The following CAPN14 variants were observed in gnomAD, a reference collection of about 807,000 sequenced individuals.
CAPN14 encodes calpain-14.
A neutral mutation model predicts 101.3 loss-of-function variants in CAPN14; 94 were observed. The ratio of observed to expected loss-of-function variants is 0.93; its 90% confidence interval spans 0.79 to 1.10. The LOEUF is 1.10. Ranked by LOEUF, CAPN14 falls within the 50% of genes least tolerant of loss-of-function variation. CAPN14 has a pLI of 0.00. For missense variants in CAPN14, 837 were observed against 828.4 expected (o/e 1.01, Z -0.13); for synonymous variants, 338 against 317.9 (o/e 1.06, Z -0.67).
At chr2:31,188,108 C>T (rs1680996133) in intron 14 of CAPN14, among the ~76,000 whole-genome samples, 1 of 152,168 alleles carries the variant, frequency 6.6e-6, no homozygotes, top group African/African-American at 2.4e-5. Flanking sequence ...TGACAAGGAC[C>T]TGATCAGAAG....
At chr2:31,205,603 G>C in intron 1 of CAPN14, 104 bp from the exon 2 acceptor site, 1 of 673,908 alleles carries the variant, frequency 1.5e-6, no homozygotes, top group South Asian at 1.8e-5. Flanking sequence ...GGAGAAGTCA[G>C]CTGGTGAGAA....
chr2:31,181,386 T>TTTC (rs1680590229), intron 16 of CAPN14, among the ~76,000 whole-genome samples: 2 of 131,202 alleles, frequency 1.5e-5, no homozygotes, highest in African/African-American at 6.1e-5. Context: ...TCTTTTCTTT[T>TTTC]TTTCTTTCTT....
At chr2:31,186,615 G>T in intron 15 of CAPN14, 130 bp from the exon 16 acceptor site, 1 of 619,748 alleles carries the variant, frequency 1.6e-6, no homozygotes, top group Non-Finnish European at 2.6e-6. Context: ...TTTTTAACTG[G>T]GTGCCAACCC....
At chr2:31,214,730 C>G (rs1272743154) in intron 1 of CAPN14, among the ~76,000 whole-genome samples, 13 of 152,182 alleles carry the variant, frequency 8.5e-5, no homozygotes. Context: ...GAGAATAAGA[C>G]TCCCTGGAGC....
chr2:31,218,878 C>A (rs576438592), upstream of CAPN14, among the ~76,000 whole-genome samples: 80 of 152,336 alleles, frequency 5.3e-4, no homozygotes, highest in African/African-American at 1.9e-3. Flanking sequence ...CTTCCCCCTG[C>A]CTCATGTGCC....
At chr2:31,179,319 T>A (rs1680476825) in intron 17 of CAPN14, among the ~76,000 whole-genome samples, 1 of 151,818 alleles carries the variant, frequency 6.6e-6, no homozygotes, top group African/African-American at 2.4e-5. Flanking sequence ...GAACATGCAG[T>A]GTTTGGTTTT....
chr2:31,197,246 C>T lies in CAPN14; in HGVS notation c.875+3G>A, dbSNP rs1027803405. 1.2e-5 allele frequency: 18 copies of T among 1,548,652 alleles called. No homozygotes were observed. Among genetic ancestry groups the T allele is most frequent in the Middle Eastern group, 3.3e-4 (2 of 6,006 alleles). ...ACCCCTCCAAGATGTCCCCAAAGTT[C>T]ACCTGTCACTCCAGTCTCCTTTCCA... On this transcript the variant is annotated splice_donor_region_variant and intron_variant, in intron 8 of 21. Transcript: ENST00000403897.
chr2:31,229,880 C>T (rs1683137385), intron 1 of CAPN14, among the ~76,000 whole-genome samples: 1 of 152,136 alleles, frequency 6.6e-6, no homozygotes. Context: ...CCATGAACAA[C>T]AGATAGTGGT....
intron 1 of CAPN14, among the ~76,000 whole-genome samples, chr2:31,227,183 A>C (rs1487081364): frequency 6.6e-6 from 1 of 152,096 alleles, no homozygotes; most frequent in Non-Finnish European, 1.5e-5. Context: ...CCAGATACAC[A>C]CCGCTGCCTC....
chr2:31,227,290 G>C (rs1683052054), intron 1 of CAPN14, among the ~76,000 whole-genome samples: 1 of 152,190 alleles, frequency 6.6e-6, no homozygotes, highest in Non-Finnish European at 1.5e-5. Context: ...GCCAAGGAGA[G>C]CTGCTATGTA....
intron 19 of CAPN14, 79 bp from the exon 20 acceptor site, chr2:31,177,221 G>T: frequency 1.1e-6 from 1 of 903,140 alleles, no homozygotes; most frequent in Non-Finnish European, 1.7e-6. Context: ...CCCTTCAAAT[G>T]TCCCTCCAGT....
At chr2:31,175,193 T>C (rs564808711) in intron 21 of CAPN14, among the ~76,000 whole-genome samples, 3 of 152,266 alleles carry the variant, frequency 2.0e-5, no homozygotes, top group Non-Finnish European at 2.9e-5. Flanking sequence ...AAGTTACCAA[T>C]GGTGTCAGAG....
chr2:31,193,053 G>T, intron 10 of CAPN14, 78 bp downstream of exon 10: 1 of 1,382,332 alleles, frequency 7.2e-7, no homozygotes, highest in Non-Finnish European at 9.8e-7. Context: ...AATTCGTGCT[G>T]CAACCCCCTG....
chr2:31,174,812 A>G, intron 21 of CAPN14, 105 bp from the exon 22 acceptor site: 1 of 1,099,312 alleles, frequency 9.1e-7, no homozygotes, highest in Non-Finnish European at 1.4e-6. Flanking sequence ...ACATTAATGG[A>G]TGGTTTAGCC....
At position 31,174,517 on chromosome 2, in the gene CAPN14, A is replaced by G; in HGVS notation, c.*164T>C. ...TTCCCTTTCTGCATGCTGGCCATGC[A>G]CGGGGAGGGCTGCAGAAGAGAAACC... is the stretch of plus-strand genomic sequence containing the variant. On this transcript the variant is annotated 3_prime_UTR_variant, in exon 22 of 22. Transcript: ENST00000403897. 2 of 667,908 alleles carry G rather than the reference A, an allele frequency of 3.0e-6. No individual in the cohort carries two copies. Among genetic ancestry groups the G allele is most frequent in the Admixed American group, 5.3e-5 (2 of 38,010 alleles). The allele number at this position is 667,908 out of a possible 1,614,324, so 41.4% of individuals were successfully genotyped here.
chr2:31,182,844 T>C (rs1202754099), intron 16 of CAPN14, among the ~76,000 whole-genome samples: 3 of 151,794 alleles, frequency 2.0e-5, no homozygotes. Flanking sequence ...ACTTTAAAGT[T>C]CACATGGAAC....
chr2:31,194,476 T>C lies in CAPN14; in HGVS notation c.883A>G (p.Lys295Glu), dbSNP rs1174530322. Residue 295 changes from lysine to glutamate, a missense_variant, in exon 9 of 22, where the codon AAA (lysine) becomes GAA (glutamate). By Grantham distance (56) the Lys-to-Glu change is moderately conservative. Coordinates refer to ENST00000403897, the MANE Select transcript of CAPN14 (RefSeq NM_001145122.2). ...WKGDWSDSSSKWELLSPKEKI... is the reference protein window; with the variant it reads ...WKGDWSDSSSEWELLSPKEKI... ...TCCTTGGGGCTCAGCAGCTCCCATT[T>C]ACTTGAACTGAAAATAGAAAAGGGA... The C allele has an allele frequency of 6.4e-7, 1 of 1,550,946 alleles. No homozygotes were observed. Among genetic ancestry groups the C allele is most frequent in the Admixed American group, 2.0e-5 (1 of 51,010 alleles).
chr2:31,173,176 C>T lies in CAPN14; in HGVS notation c.*1505G>A, dbSNP rs1680129670. 6.6e-6 allele frequency: 1 copy of T among 152,220 alleles called. No individual in the cohort carries two copies. Among genetic ancestry groups the T allele is most frequent in the Non-Finnish European group, 1.5e-5 (1 of 68,044 alleles). The allele number at this position is 152,220 out of a possible 1,614,324, so 9.4% of individuals were successfully genotyped here. On this transcript the variant is annotated 3_prime_UTR_variant, in exon 22 of 22. Coordinates refer to ENST00000403897, the MANE Select transcript of CAPN14 (RefSeq NM_001145122.2). ...CTGTAAAAGGCTGTAAATACATGAT[C>T]ATCATTTATAAAATCAACAACATCT...
At position 31,192,020 on chromosome 2, in the gene CAPN14, C is replaced by G. The variant is rs1681214681; in HGVS notation, c.1193G>C (p.Ser398Thr). 6.4e-7 allele frequency: 1 copy of G among 1,551,524 alleles called. No homozygotes were observed. Among genetic ancestry groups the G allele is most frequent in the African/African-American group, 1.4e-5 (1 of 73,056 alleles). Residue 398 changes from serine (S) to threonine (T), a missense_variant, in exon 11 of 22, where the codon AGC (serine) becomes ACC (threonine). Physicochemically the swap from Ser to Thr is moderately conservative, Grantham distance 58. Transcript: ENST00000403897. The stretch of plus-strand genomic sequence containing the variant: ...CTTCTGGAGCAGGGACACCAGCACG[C>G]TGCAGGGCCTCAGGGATCTCCTGCC... ...EEGRRSLRPC[S>T]VLVSLLQKPR...
Sources: allele counts gnomAD v4.1 joint callset (sites outside exome capture counted in the v4.1 genomes callset), GRCh38; gene constraint gnomAD v4.1.1; transcripts MANE v1.5; gene names NCBI Gene and HGNC (gene_info 2026-07-23, HGNC 2026-07-21).